Variants in CUEDC1 observed in about 807,000 individuals in gnomAD.
The protein encoded by CUEDC1 is CUE domain-containing protein 1.
A neutral mutation model predicts 43.7 loss-of-function variants in CUEDC1; 30 were observed. That is an observed-to-expected ratio of 0.69 (90% CI 0.51 to 0.93). CUEDC1 has a LOEUF of 0.93. CUEDC1 is among the 40% of genes least tolerant of loss of function. The pLI is 0.00. For synonymous variants in CUEDC1, 223 were observed against 223.6 expected (o/e 1.00, Z 0.02); for missense variants, 486 against 549.0 (o/e 0.89, Z 1.15).
chr17:57,893,994 T>C (rs891901365), intron 1 of CUEDC1, among the ~76,000 whole-genome samples: 7 of 152,148 alleles, frequency 4.6e-5, no homozygotes, highest in African/African-American at 1.7e-4. Flanking sequence ...CTCGGGAGGC[T>C]GAGGCAGAGA....
chr17:57,868,573 C>G, intron 7 of CUEDC1: 1 of 379,986 alleles, frequency 2.6e-6, no homozygotes. Flanking sequence ...GCTTTCCCGC[C>G]GCCACCGCCT....
intron 1 of CUEDC1, among the ~76,000 whole-genome samples, chr17:57,906,973 CAAA>C (rs71143215): frequency 1.4e-4 from 11 of 80,836 alleles, no homozygotes; most frequent in African/African-American, 1.6e-4. Flanking sequence ...CTCTGCCTCA[CAAA>C]AAAAAAAAAA....
chr17:57,885,813 T>G lies in CUEDC1; in HGVS notation c.-249A>C. ...GGTGGCATGCGGGACCGGGCCGTGC[T>G]GGGGCTGGGCGGCCGGTCATCCACA... On this transcript the variant is annotated 5_prime_UTR_variant, in exon 2 of 11. Coordinates refer to ENST00000577830, the MANE Select transcript of CUEDC1 (RefSeq NM_001271875.2). 1 of 401,232 alleles carries G rather than the reference T, an allele frequency of 2.5e-6. No homozygotes were observed. Among genetic ancestry groups the G allele is most frequent in the East Asian group, 4.6e-5 (1 of 21,766 alleles). The allele number at this position is 401,232 out of a possible 1,614,324, so 24.9% of individuals were successfully genotyped here.
intron 1 of CUEDC1, among the ~76,000 whole-genome samples, chr17:57,900,618 G>T (rs994020373): frequency 2.0e-5 from 3 of 152,194 alleles, no homozygotes; most frequent in Non-Finnish European, 2.9e-5. Context: ...CAATGTAGTA[G>T]TGCAGGTTAT....
At chr17:57,927,837 T>C (rs573404274) in intron 1 of CUEDC1, among the ~76,000 whole-genome samples, 1 of 152,362 alleles carries the variant, frequency 6.6e-6, no homozygotes, top group Non-Finnish European at 1.5e-5. Context: ...AAAAATATTA[T>C]CCCATCTAAC....
chr17:57,922,672 G>C (rs2074709159), intron 1 of CUEDC1: 2 of 152,160 alleles, frequency 1.3e-5, no homozygotes, highest in Non-Finnish European at 2.9e-5. Context: ...TCATATGAAA[G>C]ACAGGAAGAG....
chr17:57,908,626 C>T (rs1423301384), intron 1 of CUEDC1, among the ~76,000 whole-genome samples: 1 of 152,184 alleles, frequency 6.6e-6, no homozygotes, highest in Non-Finnish European at 1.5e-5. Context: ...CTTCCTGAAA[C>T]ATGCCAGGTA....
chr17:57,945,223 C>T (rs1020036668), intron 1 of CUEDC1, among the ~76,000 whole-genome samples: 4 of 152,164 alleles, frequency 2.6e-5, no homozygotes, highest in African/African-American at 9.7e-5. Flanking sequence ...GCTTTGCCAC[C>T]ACAACTCATT....
intron 1 of CUEDC1, among the ~76,000 whole-genome samples, chr17:57,945,574 G>A (rs2074952742): frequency 6.6e-6 from 1 of 152,180 alleles, no homozygotes; most frequent in Non-Finnish European, 1.5e-5. Context: ...ATTTAACATT[G>A]TAGCCCTGGC....
intron 1 of CUEDC1, among the ~76,000 whole-genome samples, chr17:57,905,884 ATGTACCTC>A (rs2074526151): frequency 6.6e-6 from 1 of 152,236 alleles, no homozygotes; most frequent in African/African-American, 2.4e-5. Context: ...TCTTTGCTTC[ATGTACCTC>A]TGCAACCTTT....
chr17:57,868,134 A>G lies in CUEDC1; in HGVS notation c.1034+16T>C. ...GGCTTCCACCACCCCCACCAGTGCCAGGCTGGAAAGGATACGACTGATGCT... is the reference window on the plus strand; with the variant it reads ...GGCTTCCACCACCCCCACCAGTGCCGGGCTGGAAAGGATACGACTGATGCT... On this transcript the variant is annotated intron_variant, in intron 8 of 10. Transcript: ENST00000577830. 1 of 1,607,638 alleles carries G rather than the reference A, an allele frequency of 6.2e-7. No individual in the cohort carries two copies. Among genetic ancestry groups the G allele is most frequent in the African/African-American group, 1.3e-5 (1 of 74,894 alleles).
At chr17:57,866,695 C>T in intron 9 of CUEDC1, 151 bp from the exon 10 acceptor site, 1 of 673,076 alleles carries the variant, frequency 1.5e-6, no homozygotes, top group Admixed American at 2.7e-5. Flanking sequence ...ATGCATGGGT[C>T]CAGGGAGAGA....
At chr17:57,883,730 C>CA (rs541184976) in intron 2 of CUEDC1, among the ~76,000 whole-genome samples, 119 of 151,906 alleles carry the variant, frequency 7.8e-4, no homozygotes, top group Non-Finnish European at 1.4e-3. Flanking sequence ...CTCAAAAAAA[C>CA]AAAAAAACAA....
intron 1 of CUEDC1, among the ~76,000 whole-genome samples, chr17:57,925,183 C>T (rs1346452665): frequency 6.7e-6 from 1 of 150,314 alleles, no homozygotes; most frequent in Non-Finnish European, 1.5e-5. Flanking sequence ...CTGAAATTAT[C>T]AGAATGATCA....
At chr17:57,908,556 A>C (rs1209325355) in intron 1 of CUEDC1, among the ~76,000 whole-genome samples, 3 of 152,226 alleles carry the variant, frequency 2.0e-5, no homozygotes, top group African/African-American at 7.2e-5. Flanking sequence ...GCTCTGCCTC[A>C]CTTGAGATAA....
rs1354471442 is a variant in CUEDC1, at chr17:57,873,622, C to T, written c.560G>A (p.Arg187His). 15 of 1,599,732 alleles carry T rather than the reference C, an allele frequency of 9.4e-6. No individual in the cohort carries two copies. Among genetic ancestry groups the T allele is most frequent in the East Asian group, 2.3e-5 (1 of 43,628 alleles). Residue 187 changes from arginine to histidine, a missense_variant, in exon 4 of 11, where the codon CGC becomes CAC. By Grantham distance (29) the Arg-to-His change is conservative. Coordinates refer to ENST00000577830, the MANE Select transcript of CUEDC1 (RefSeq NM_001271875.2). Reference protein sequence around the residue: ...LLGNLPDDFLRILPQQLDSIQ... With the variant: ...LLGNLPDDFLHILPQQLDSIQ... ...GCTGTCCAGCTGCTGGGGCAGGATG[C>T]GGAGAAAGTCATCCGGAAGGTTGCC...
chr17:57,872,269 C>A (rs111307717), intron 5 of CUEDC1, among the ~76,000 whole-genome samples: 3 of 152,374 alleles, frequency 2.0e-5, no homozygotes, highest in African/African-American at 7.2e-5. Flanking sequence ...CCCTGGCCTT[C>A]ATGAACCCAG....
chr17:57,884,411 T>C (rs2586050), intron 2 of CUEDC1, among the ~76,000 whole-genome samples: 99,147 of 151,482 alleles, frequency 0.65, 32,996 homozygotes, highest in East Asian at 0.99. Context: ...TTGGCCAGGC[T>C]GGTCTCGAAC....
At chr17:57,938,523 T>C (rs1047526037) in intron 1 of CUEDC1, among the ~76,000 whole-genome samples, 3 of 152,188 alleles carry the variant, frequency 2.0e-5, no homozygotes, top group Non-Finnish European at 2.9e-5. Flanking sequence ...GGCAGCACCA[T>C]ACCAGAGCAC....
Sources: gnomAD v4.1 joint callset for allele counts (sites outside exome capture counted in the v4.1 genomes callset) on GRCh38, gnomAD v4.1.1 for gene constraint, MANE v1.5 for transcripts, NCBI Gene and HGNC (gene_info 2026-07-23, HGNC 2026-07-21) for gene names.